ABHD12: variants seen among roughly 807,000 people sequenced by gnomAD.
ABHD12 encodes lysophosphatidylserine lipase ABHD12.
Under a neutral mutation model 58.3 loss-of-function variants are expected in ABHD12, and 43 were observed. The ratio of observed to expected loss-of-function variants is 0.74; its 90% CI spans 0.58 to 0.95. The LOEUF (loss-of-function observed/expected upper bound fraction) is 0.95, where lower values mean the gene tolerates loss of function less well. Ranked by LOEUF, ABHD12 falls within the 40% of genes least tolerant of loss-of-function variation. ABHD12 has a pLI of 0.00. For synonymous variants in ABHD12, 219 were observed against 211.2 expected, an observed-to-expected ratio of 1.04 and a Z score of -0.32; for missense variants, 539 against 537.2, an observed-to-expected ratio of 1.00 and a Z score of -0.03.
intron 2 of ABHD12, among the ~76,000 whole-genome samples, chr20:25,335,126 C>T (rs2089342067): frequency 6.6e-6 from 1 of 151,646 alleles, no homozygotes; most frequent in African/African-American, 2.4e-5. Context: ...ACAAACAACC[C>T]CATCAAAAAG....
At position 25,390,545 on chromosome 20, in the gene ABHD12, T is replaced by C. The variant is rs1458495216; in HGVS notation, c.159A>G (p.Ala53=). Residue 53 remains alanine (A), a synonymous_variant, in exon 1 of 13, where the codon GCA becomes GCG. Coordinates refer to ENST00000339157, the MANE Select transcript of ABHD12 (RefSeq NM_001042472.3). ...GCGCCCGCTTCATTCCCGCGTCGGC[T>C]GCGCAGCGCGGCTCAGCCGCCGCCG... ...TGPAAAEPRC[A]ADAGMKRALG... The C allele has an allele frequency of 7.1e-7, 1 of 1,410,188 alleles. No homozygotes were observed. Among genetic ancestry groups the C allele is most frequent in the South Asian group, 1.3e-5 (1 of 77,762 alleles). The allele number at this position is 1,410,188 out of a possible 1,614,324, so 87.4% of individuals were successfully genotyped here. A position where few individuals can be genotyped will look rare whatever the true frequency, so the allele number is the denominator to read the frequency against.
intron 1 of ABHD12, among the ~76,000 whole-genome samples, chr20:25,361,969 C>A (rs1163224728): frequency 1.3e-5 from 2 of 149,010 alleles, no homozygotes; most frequent in African/African-American, 5.0e-5. Context: ...CACACACACA[C>A]AAAAAAAGAA....
chr20:25,388,989 ACAGACGGGGTTTCT>A (rs2090133382), intron 1 of ABHD12, among the ~76,000 whole-genome samples: 1 of 151,684 alleles, frequency 6.6e-6, no homozygotes, highest in African/African-American at 2.4e-5. Flanking sequence ...TATTTTTAGT[ACAGACGGGGTTTCT>A]CCATGTTGGT....
intron 1 of ABHD12, among the ~76,000 whole-genome samples, chr20:25,367,075 A>G (rs764291766): frequency 3.9e-5 from 6 of 152,292 alleles, no homozygotes; most frequent in Middle Eastern, 3.4e-3. Flanking sequence ...AAAATTTGGG[A>G]TTCTGTTAGA....
intron 1 of ABHD12, among the ~76,000 whole-genome samples, chr20:25,342,168 C>A (rs2089463622): frequency 6.7e-6 from 1 of 149,662 alleles, no homozygotes; most frequent in Admixed American, 6.7e-5. Flanking sequence ...CAGAAACAAC[C>A]CAAATGGCCA....
intron 3 of ABHD12, among the ~76,000 whole-genome samples, chr20:25,323,060 T>C (rs2089109685): frequency 6.6e-6 from 1 of 152,158 alleles, no homozygotes; most frequent in Admixed American, 6.6e-5. Flanking sequence ...TTGCTTTTCG[T>C]TTTTCCTAGA....
At chr20:25,348,864 C>T (rs991927112) in intron 1 of ABHD12, among the ~76,000 whole-genome samples, 4 of 151,836 alleles carry the variant, frequency 2.6e-5, no homozygotes, top group Admixed American at 1.3e-4. Context: ...GGGCGGATCA[C>T]GAGGTCAGGA....
intron 1 of ABHD12, among the ~76,000 whole-genome samples, chr20:25,389,697 G>C (rs1184757563): frequency 6.6e-6 from 1 of 152,020 alleles, no homozygotes; most frequent in Non-Finnish European, 1.5e-5. Flanking sequence ...AAAGGTTATT[G>C]AACGCCAATA....
At chr20:25,375,480 G>GTC (rs767363310) in intron 1 of ABHD12, among the ~76,000 whole-genome samples, 15 of 152,134 alleles carry the variant, frequency 9.9e-5, no homozygotes, top group Non-Finnish European at 1.9e-4. Flanking sequence ...AGACCCCAGG[G>GTC]TCTCTCTCTG....
chr20:25,331,073 T>A (rs1185825995), intron 2 of ABHD12, among the ~76,000 whole-genome samples: 2 of 152,000 alleles, frequency 1.3e-5, no homozygotes, highest in Non-Finnish European at 2.9e-5. Flanking sequence ...GGAAAAAAAT[T>A]TAGAAGAATG....
At chr20:25,322,774 G>A (rs759868450) in intron 3 of ABHD12, among the ~76,000 whole-genome samples, 6 of 151,992 alleles carry the variant, frequency 3.9e-5, no homozygotes, top group Non-Finnish European at 8.8e-5. Context: ...CCAGGCTGGA[G>A]TGCAGTGGCG....
chr20:25,328,798 G>GAA (rs2089218479), intron 2 of ABHD12, among the ~76,000 whole-genome samples: 1 of 152,156 alleles, frequency 6.6e-6, no homozygotes, highest in Non-Finnish European at 1.5e-5. Context: ...TACTCTCCAT[G>GAA]AAAAGCATCC....
chr20:25,351,574 C>T (rs996038557), intron 1 of ABHD12, among the ~76,000 whole-genome samples: 10 of 152,190 alleles, frequency 6.6e-5, no homozygotes, highest in South Asian at 2.1e-4. Flanking sequence ...TTTTATTGGC[C>T]TCAAGTTGAC....
chr20:25,328,007 A>C (rs2089205057), intron 2 of ABHD12, among the ~76,000 whole-genome samples: 1 of 151,958 alleles, frequency 6.6e-6, no homozygotes, highest in South Asian at 2.1e-4. Flanking sequence ...CTTCCAGCTC[A>C]CTGGCTTCCC....
chr20:25,295,518 G>A, downstream of ABHD12: 1 of 1,453,596 alleles, frequency 6.9e-7, no homozygotes, highest in Non-Finnish European at 9.6e-7. Context: ...GATGGTGCCT[G>A]GCCTCCTGCC....
intron 1 of ABHD12, among the ~76,000 whole-genome samples, chr20:25,381,596 C>T (rs2090022542): frequency 6.6e-6 from 1 of 150,608 alleles, no homozygotes; most frequent in Admixed American, 6.6e-5. Context: ...TCCTTCTAGA[C>T]ATGAGCTAAC....
intron 2 of ABHD12, among the ~76,000 whole-genome samples, chr20:25,325,370 C>A (rs544865863): frequency 2.0e-5 from 3 of 152,062 alleles, no homozygotes; most frequent in Non-Finnish European, 4.4e-5. Context: ...GTTGTGCTCC[C>A]CAAAAAAGAC....
At chr20:25,385,600 C>A (rs1350003209) in intron 1 of ABHD12, among the ~76,000 whole-genome samples, 1 of 152,004 alleles carries the variant, frequency 6.6e-6, no homozygotes, top group African/African-American at 2.4e-5. Context: ...AATCCCAATA[C>A]TTTGGGGGAC....
intron 2 of ABHD12, 103 bp from the exon 3 acceptor site, chr20:25,323,533 A>C (rs1212031681): frequency 1.3e-6 from 1 of 767,806 alleles, no homozygotes; most frequent in Non-Finnish European, 2.4e-6. Context: ...ATGCATCCAC[A>C]CGTGCACACA....
Sources: gnomAD v4.1 joint callset for allele counts (sites outside exome capture counted in the v4.1 genomes callset) on GRCh38, gnomAD v4.1.1 for gene constraint, MANE v1.5 for transcripts, NCBI Gene and HGNC (gene_info 2026-07-23, HGNC 2026-07-21) for gene names.